SP140: variants seen among roughly 807,000 people sequenced by gnomAD.
SP140 encodes SP140 nuclear body protein.
Under a neutral mutation model 125.0 loss-of-function variants are expected in SP140, and 81 were observed. The observed-to-expected ratio is 0.65, with a 90% CI of 0.54 to 0.78. SP140 has a LOEUF of 0.78. Ranked by LOEUF, SP140 falls within the 30% of genes least tolerant of loss-of-function variation. The pLI is 0.00. For synonymous variants in SP140, 312 were observed against 354.0 expected, an observed-to-expected ratio of 0.88 and a Z score of 1.33; for missense variants, 858 against 1,037.0, an observed-to-expected ratio of 0.83 and a Z score of 2.37.
At chr2:230,246,617 G>A (rs1169182806) in intron 7 of SP140, among the ~76,000 whole-genome samples, 1 of 152,008 alleles carries the variant, frequency 6.6e-6, no homozygotes, top group African/African-American at 2.4e-5. Context: ...TTGATACTAT[G>A]GCAGAAAAAT....
Position 230,238,247 on chromosome 2 carries a change from T to C in SP140, c.272T>C (p.Val91Ala), listed in dbSNP as rs2048253287. ...GAAGCTTTTAGAAACCTGGTCCCAGTGACAAGAGTGATGTATTGTGTACTC... is the reference window on the plus strand; with the variant it reads ...GAAGCTTTTAGAAACCTGGTCCCAGCGACAAGAGTGATGTATTGTGTACTC... ...FQEAFRNLVP[V>A]TRVMYCVLSE... is the part of the protein sequence containing the mutation. The change falls in exon 3 of 27, where the codon GTG (valine) becomes GCG (alanine). Residue 91 changes from valine (V) to alanine (A), a missense_variant. Transcript: ENST00000392045. 6.2e-7 allele frequency: 1 copy of C among 1,602,298 alleles called. No homozygotes were observed. The highest frequency in any genetic ancestry group is 1.3e-5 in the African/African-American group (1 of 74,214).
chr2:230,198,429 C>T (rs189343936), upstream of SP140, among the ~76,000 whole-genome samples: 1 of 152,246 alleles, frequency 6.6e-6, no homozygotes, highest in East Asian at 1.9e-4. Flanking sequence ...TAAACATGGG[C>T]AGGGTGAGCA....
At chr2:230,215,175 T>G (rs777109511) in intron 3 of SP140, 61 of 1,384,566 alleles carry the variant, frequency 4.4e-5, no homozygotes, top group Non-Finnish European at 5.8e-5. Flanking sequence ...TGGGAAGTTA[T>G]ACATTTATGG....
At chr2:230,253,563 G>A (rs773297802) in intron 11 of SP140, 146 bp downstream of exon 11, 44 of 657,156 alleles carry the variant, frequency 6.7e-5, no homozygotes, top group Non-Finnish European at 1.0e-4. Context: ...TTTCTGTTGG[G>A]CTTTTTTTGT....
chr2:230,287,747 C>G, intron 17 of SP140, 145 bp from the exon 18 acceptor site: 1 of 601,466 alleles, frequency 1.7e-6, no homozygotes, highest in South Asian at 3.5e-5. Flanking sequence ...TTCTTCATAC[C>G]TTAAAGGCTA....
In SP140 at chr2:230,309,987, T is replaced by C; in HGVS notation, c.2122T>C (p.Cys708Arg). The change falls in exon 23 of 27, where the codon TGT (cysteine) becomes CGT (arginine). Residue 708 changes from cysteine to arginine, a missense_variant. Physicochemically the swap from Cys to Arg is radical, Grantham distance 180. Transcript: ENST00000392045. ...DGGELFCCDT[C>R]SRVFHEDCHI... is the part of the protein sequence containing the mutation. Reference sequence around the variant, plus strand: ...AGGGGAGCTGTTCTGTTGCGACACTTGTTCAAGAGTCTTCCATGAGGACTG... The same window carrying C: ...AGGGGAGCTGTTCTGTTGCGACACTCGTTCAAGAGTCTTCCATGAGGACTG... 6.2e-7 allele frequency: 1 copy of C among 1,614,156 alleles called. No individual in the cohort carries two copies. Among genetic ancestry groups the C allele is most frequent in the Non-Finnish European group, 8.5e-7 (1 of 1,180,024 alleles).
chr2:230,236,510 CCTG>C (rs2149099026), intron 1 of SP140, among the ~76,000 whole-genome samples: 1 of 152,298 alleles, frequency 6.6e-6, no homozygotes, highest in Non-Finnish European at 1.5e-5. Flanking sequence ...GTAGTGTGGG[CCTG>C]CTGTTTGGAG....
At chr2:230,268,175 T>C (rs1365211065) in intron 12 of SP140, among the ~76,000 whole-genome samples, 1 of 152,192 alleles carries the variant, frequency 6.6e-6, no homozygotes, top group East Asian at 1.9e-4. Flanking sequence ...GCCTGTAATA[T>C]GACCTATTAA....
chr2:230,216,927 TC>T, intron 3 of SP140: 1 of 1,613,186 alleles, frequency 6.2e-7, no homozygotes, highest in Non-Finnish European at 8.5e-7. Context: ...ATGGTGAACA[TC>T]CTATGGAAAG....
intron 3 of SP140, chr2:230,239,138 C>A: frequency 1.1e-6 from 1 of 940,346 alleles, no homozygotes; most frequent in Non-Finnish European, 1.4e-6. Flanking sequence ...TACCTTGATT[C>A]AAAAAAGAGG....
At chr2:230,257,415 G>A (rs2051410004) in intron 12 of SP140, among the ~76,000 whole-genome samples, 1 of 152,078 alleles carries the variant, frequency 6.6e-6, no homozygotes, top group Admixed American at 6.6e-5. Flanking sequence ...AGTCCAGAAA[G>A]CCGAAAAGAA....
chr2:230,315,955 A>C (rs1230940244), downstream of SP140, among the ~76,000 whole-genome samples: 1 of 152,206 alleles, frequency 6.6e-6, no homozygotes, highest in Non-Finnish European at 1.5e-5. Flanking sequence ...TGCAACTATT[A>C]ATATGGAAAT....
chr2:230,285,688 T>C (rs776478210), intron 16 of SP140, 64 bp from the exon 17 acceptor site: 5 of 1,363,334 alleles, frequency 3.7e-6, no homozygotes, highest in Admixed American at 1.7e-5. Flanking sequence ...CTTGCGTTTG[T>C]TCCTGCCTGA....
At chr2:230,218,705 G>A (rs1397590147) in intron 3 of SP140, among the ~76,000 whole-genome samples, 1 of 152,208 alleles carries the variant, frequency 6.6e-6, no homozygotes, top group Non-Finnish European at 1.5e-5. Context: ...CAGTGGCAAA[G>A]CAGAGCTTGT....
chr2:230,220,611 A>G lies in SP140; in HGVS notation c.-90-5144A>G, dbSNP rs561092648. ...TCTGAGGCAGAACTGGGACCTGCTG[A>G]TTCCAGAGAGCAGTAACTCAAGGGC... On this transcript the variant is annotated intron_variant, in intron 3 of 4. Coordinates refer to the SP140 transcript ENST00000456542. Among the ~76,000 whole-genome samples the G allele has an allele frequency of 7.2e-5, 11 of 152,330 alleles. No individual in the cohort carries two copies. The South Asian group carries it at 2.3e-3, about 32-fold the overall frequency.
At chr2:230,224,881 G>A (rs547175616), upstream of SP140, among the ~76,000 whole-genome samples, 6 of 152,230 alleles carry the variant, frequency 3.9e-5, no homozygotes, top group South Asian at 1.2e-3. Flanking sequence ...TAGTCCTGTG[G>A]TTATATTTTT....
At chr2:230,280,698 GT>G (rs2055411855) in intron 15 of SP140, among the ~76,000 whole-genome samples, 1 of 151,984 alleles carries the variant, frequency 6.6e-6, no homozygotes, top group Non-Finnish European at 1.5e-5. Flanking sequence ...TCTTATCATG[GT>G]TTCACTACAA....
intron 3 of SP140, among the ~76,000 whole-genome samples, chr2:230,215,552 G>A (rs1449414128): frequency 6.6e-6 from 1 of 152,198 alleles, no homozygotes; most frequent in African/African-American, 2.4e-5. Flanking sequence ...GTCTCTCTCT[G>A]TGTCTCTCAA....
chr2:230,228,273 T>C (rs1046334408), intron 1 of SP140, among the ~76,000 whole-genome samples: 2 of 152,356 alleles, frequency 1.3e-5, no homozygotes, highest in East Asian at 1.9e-4. Flanking sequence ...TTCTATTCTT[T>C]TAAATTTGTT....
Sources: gnomAD v4.1 joint callset for allele counts (sites outside exome capture counted in the v4.1 genomes callset) on GRCh38, gnomAD v4.1.1 for gene constraint, MANE v1.5 for transcripts, NCBI Gene and HGNC (gene_info 2026-07-23, HGNC 2026-07-21) for gene names.